LRP1B: variants seen among roughly 807,000 people sequenced by gnomAD.
The protein encoded by LRP1B is low-density lipoprotein receptor-related protein 1B.
Under a neutral mutation model 556.6 loss-of-function variants are expected in LRP1B, and 217 were observed. That is an observed-to-expected ratio of 0.39 (90% CI 0.35 to 0.44). The LOEUF (loss-of-function observed/expected upper bound fraction) is 0.44. Among genes scored for constraint, LRP1B ranks in the 20% least tolerant of loss-of-function variants. The pLI is 1.00. For missense variants in LRP1B, 5,053 were observed against 5,620.8 expected (o/e 0.90, Z 3.23); for synonymous variants, 2,047 against 1,865.8 (o/e 1.10, Z -2.50).
intron 1 of LRP1B, among the ~76,000 whole-genome samples, chr2:142,099,946 T>G (rs1442929678): frequency 1.3e-5 from 2 of 151,944 alleles, no homozygotes; most frequent in East Asian, 3.9e-4. Flanking sequence ...ACCTGGATTC[T>G]AAGTGTTAGA....
chr2:140,621,932 A>T (rs182193031), intron 41 of LRP1B, among the ~76,000 whole-genome samples: 1 of 152,330 alleles, frequency 6.6e-6, no homozygotes, highest in Admixed American at 6.5e-5. Context: ...CATATTAGCT[A>T]TTCAGTTTTA....
intron 2 of LRP1B, among the ~76,000 whole-genome samples, chr2:141,717,511 T>G (rs1692650880): frequency 6.6e-6 from 1 of 152,182 alleles, no homozygotes; most frequent in African/African-American, 2.4e-5. Flanking sequence ...CCAATATAAC[T>G]CAATGCATCT....
At chr2:141,580,747 C>T (rs147774762) in intron 2 of LRP1B, among the ~76,000 whole-genome samples, 16 of 152,310 alleles carry the variant, frequency 1.1e-4, no homozygotes, top group Non-Finnish European at 2.2e-4. Flanking sequence ...CAAAACTTCA[C>T]GGCAAACACC....
chr2:141,292,931 A>G (rs1239429812), intron 3 of LRP1B, among the ~76,000 whole-genome samples: 3 of 152,208 alleles, frequency 2.0e-5, no homozygotes, highest in Non-Finnish European at 2.9e-5. Context: ...CTATTAGTTT[A>G]TCATAAAAAT....
At chr2:141,755,446 A>T (rs1287210731) in intron 2 of LRP1B, among the ~76,000 whole-genome samples, 1 of 152,096 alleles carries the variant, frequency 6.6e-6, no homozygotes, top group African/African-American at 2.4e-5. Flanking sequence ...AGGCAAATTA[A>T]TACAACCATA....
At chr2:141,810,529 G>C in intron 1 of LRP1B, 128 bp from the exon 2 acceptor site, 2 of 971,930 alleles carry the variant, frequency 2.1e-6, no homozygotes, top group Non-Finnish European at 3.0e-6. Context: ...TTTTCTGTTC[G>C]GCAGCAAAGA....
At chr2:141,137,913 C>T (rs1166647332) in intron 7 of LRP1B, among the ~76,000 whole-genome samples, 1 of 151,144 alleles carries the variant, frequency 6.6e-6, no homozygotes, top group South Asian at 2.1e-4. Flanking sequence ...GGTGTAGTAC[C>T]AAGGAAAGTA....
chr2:140,701,128 C>A (rs1686625229), intron 40 of LRP1B, among the ~76,000 whole-genome samples: 1 of 152,088 alleles, frequency 6.6e-6, no homozygotes, highest in Non-Finnish European at 1.5e-5. Flanking sequence ...CTTCACCAGT[C>A]TAATTCTCCT....
At chr2:142,012,293 T>A (rs1702981853) in intron 1 of LRP1B, among the ~76,000 whole-genome samples, 1 of 152,148 alleles carries the variant, frequency 6.6e-6, no homozygotes, top group Admixed American at 6.5e-5. Context: ...TATCCAGATG[T>A]CTGACTCTAT....
intron 1 of LRP1B, among the ~76,000 whole-genome samples, chr2:141,954,888 G>C (rs1167862019): frequency 6.6e-6 from 1 of 152,052 alleles, no homozygotes; most frequent in African/African-American, 2.4e-5. Context: ...TTATATGGTT[G>C]TGTAGATATT....
intron 7 of LRP1B, among the ~76,000 whole-genome samples, chr2:141,173,068 AC>A (rs1356577526): frequency 6.9e-6 from 1 of 144,738 alleles, no homozygotes; most frequent in Admixed American, 7.0e-5. Context: ...AAAAAAAAAA[AC>A]CCACACACTT....
chr2:142,114,127 G>A (rs115804467), intron 1 of LRP1B, among the ~76,000 whole-genome samples: 12 of 152,066 alleles, frequency 7.9e-5, no homozygotes, highest in African/African-American at 2.9e-4. Context: ...TCCCAGTTCT[G>A]ATCAAATCCT....
chr2:140,638,834 T>C (rs1684169983), intron 41 of LRP1B, among the ~76,000 whole-genome samples: 1 of 151,622 alleles, frequency 6.6e-6, no homozygotes, highest in African/African-American at 2.4e-5. Context: ...AAATTATATA[T>C]GTGTATATAT....
At chr2:140,637,553 G>T (rs1352001201) in intron 41 of LRP1B, among the ~76,000 whole-genome samples, 1 of 152,090 alleles carries the variant, frequency 6.6e-6, no homozygotes, top group Non-Finnish European at 1.5e-5. Flanking sequence ...GCTTCTGTAT[G>T]AATTTTGTTT....
intron 12 of LRP1B, among the ~76,000 whole-genome samples, chr2:141,019,242 C>T: frequency 6.6e-6 from 1 of 152,072 alleles, no homozygotes; most frequent in Non-Finnish European, 1.5e-5. Context: ...GTAATACATA[C>T]TATAAAATGA....
intron 3 of LRP1B, among the ~76,000 whole-genome samples, chr2:141,416,102 T>C (rs1033310839): frequency 6.6e-6 from 1 of 152,106 alleles, no homozygotes; most frequent in African/African-American, 2.4e-5. Context: ...ACATGAAAAA[T>C]TGGCAATTAT....
chr2:141,079,764 C>T (rs1337003228), intron 7 of LRP1B, among the ~76,000 whole-genome samples: 1 of 152,166 alleles, frequency 6.6e-6, no homozygotes, highest in Non-Finnish European at 1.5e-5. Flanking sequence ...TATGTAAAAA[C>T]TTCGTCAAAG....
intron 11 of LRP1B, among the ~76,000 whole-genome samples, chr2:141,028,519 A>C (rs1287409468): frequency 6.6e-6 from 1 of 152,084 alleles, no homozygotes; most frequent in East Asian, 1.9e-4. Context: ...CAATAAAAAT[A>C]TGTAAGGTTT....
intron 1 of LRP1B, among the ~76,000 whole-genome samples, chr2:142,090,896 A>T (rs1706142457): frequency 6.6e-6 from 1 of 152,170 alleles, no homozygotes; most frequent in Non-Finnish European, 1.5e-5. Context: ...ATGTTAATTC[A>T]TTAAAAATAC....
Sources: gnomAD v4.1 joint callset for allele counts (sites outside exome capture counted in the v4.1 genomes callset) on GRCh38, gnomAD v4.1.1 for gene constraint, MANE v1.5 for transcripts, NCBI Gene and HGNC (gene_info 2026-07-23, HGNC 2026-07-21) for gene names.